The following DNAJC15 variants were observed in gnomAD, a reference collection of about 807,000 sequenced individuals.
DNAJC15 encodes the protein DnaJ heat shock protein family (Hsp40) member C15.
In DNAJC15, 27 loss-of-function variants were observed where a neutral mutation model predicts 22.4. The observed-to-expected ratio is 1.20, with a 90% confidence interval of 0.89 to 1.66. The LOEUF (loss-of-function observed/expected upper bound fraction) is 1.66, where lower values mean the gene tolerates loss of function less well. DNAJC15 is among the 40% of genes most tolerant of loss of function. The pLI is 0.00. For missense variants in DNAJC15, 208 were observed against 187.1 expected, an observed-to-expected ratio of 1.11 and a Z score of -0.65; for synonymous variants, 79 against 63.2, an observed-to-expected ratio of 1.25 and a Z score of -1.19.
chr13:43,093,396 T>C (rs1190204117), intron 5 of DNAJC15, among the ~76,000 whole-genome samples: 1 of 152,180 alleles, frequency 6.6e-6, no homozygotes. Flanking sequence ...AAAAATTGTT[T>C]TCTTTTTATT....
intron 1 of DNAJC15, among the ~76,000 whole-genome samples, chr13:43,055,200 C>CT (rs971810475): frequency 5.9e-5 from 9 of 151,722 alleles, no homozygotes; most frequent in Admixed American, 4.6e-4. Flanking sequence ...GCATCACAGA[C>CT]TAAGTCTGCC....
chr13:43,066,861 C>T (rs1335847655), intron 2 of DNAJC15, among the ~76,000 whole-genome samples: 1 of 152,142 alleles, frequency 6.6e-6, no homozygotes, highest in Non-Finnish European at 1.5e-5. Context: ...CCTCGTGATC[C>T]ACCCACCTCG....
At chr13:43,052,090 G>A (rs9533363) in intron 1 of DNAJC15, among the ~76,000 whole-genome samples, 31,669 of 151,042 alleles carry the variant, frequency 0.21, 4,251 homozygotes, top group Non-Finnish European at 0.3. Context: ...TCAGCCTGCC[G>A]AGTAGCTGGG....
In DNAJC15 at chr13:43,046,158, AT is replaced by A. The variant is rs1242229911; in HGVS notation, c.109-19515del. ...TCCACATAACCTGTGGATTATCTTC[AT>A]TTTTTTTTTTTTGTAAGGAAATTTA... On this transcript the variant is annotated intron_variant, in intron 1 of 5. Transcript: ENST00000379221. Among the ~76,000 whole-genome samples the A allele has an allele frequency of 5.0e-3, 705 of 141,100 alleles. 2 individuals carry two copies. Among genetic ancestry groups the A allele is most frequent in the Middle Eastern group, 0.011 (3 of 280 alleles). 92.6% of individuals were successfully genotyped at this position (141,100 alleles called of 152,430 possible). A position where few individuals can be genotyped will look rare whatever the true frequency, so the allele number is the denominator to read the frequency against.
chr13:43,048,325 C>CAAAAAAAA (rs766125510), intron 1 of DNAJC15, among the ~76,000 whole-genome samples: 1 of 130,362 alleles, frequency 7.7e-6, no homozygotes, highest in Non-Finnish European at 1.7e-5. Context: ...ACTAAAAATA[C>CAAAAAAAA]AAAAAAAAAA....
intron 1 of DNAJC15, among the ~76,000 whole-genome samples, chr13:43,034,967 AATCCATTTTTATCCTCCCACCCTC>A (rs373914736): frequency 6.6e-5 from 10 of 152,124 alleles, no homozygotes; most frequent in Admixed American, 1.3e-4. Flanking sequence ...TTCAGATCCT[AATCCATTTTTATCCTCCCACCCTC>A]ATCCATTTTT....
chr13:43,040,463 A>G (rs1405851928), intron 1 of DNAJC15, among the ~76,000 whole-genome samples: 1 of 152,160 alleles, frequency 6.6e-6, no homozygotes, highest in Admixed American at 6.5e-5. Flanking sequence ...ATGGAAGTTG[A>G]CTTTACATTT....
chr13:43,105,013 T>G (rs1432903792), intron 5 of DNAJC15, among the ~76,000 whole-genome samples: 1 of 151,550 alleles, frequency 6.6e-6, no homozygotes, highest in Non-Finnish European at 1.5e-5. Context: ...TTCATTAAAT[T>G]TAGGGTATGC....
intron 1 of DNAJC15, among the ~76,000 whole-genome samples, chr13:43,051,014 G>A (rs1198266605): frequency 6.6e-6 from 1 of 151,944 alleles, no homozygotes; most frequent in African/African-American, 2.4e-5. Flanking sequence ...CACTGTTGCC[G>A]CCCAGGCTGG....
chr13:43,104,660 AT>A (rs60760673), intron 5 of DNAJC15, among the ~76,000 whole-genome samples: 2,517 of 148,128 alleles, frequency 0.017, 81 homozygotes, highest in East Asian at 0.1. Context: ...GAAGAGTGTT[AT>A]TTTTTTTGTT....
chr13:43,030,526 T>C (rs1184876481), intron 1 of DNAJC15, among the ~76,000 whole-genome samples: 1 of 152,216 alleles, frequency 6.6e-6, no homozygotes, highest in Non-Finnish European at 1.5e-5. Context: ...TTGGAGCAAA[T>C]TTAAATGCCC....
intron 1 of DNAJC15, among the ~76,000 whole-genome samples, chr13:43,026,970 A>G (rs973599518): frequency 1.3e-5 from 2 of 152,358 alleles, no homozygotes; most frequent in Admixed American, 1.3e-4. Context: ...ACTAATGTTC[A>G]TTAGCCTGCT....
chr13:43,051,677 T>G (rs959403942), intron 1 of DNAJC15, among the ~76,000 whole-genome samples: 47 of 150,402 alleles, frequency 3.1e-4, no homozygotes, highest in African/African-American at 1.2e-3. Flanking sequence ...ATATCACATT[T>G]TCTTTATCCG....
intron 5 of DNAJC15, among the ~76,000 whole-genome samples, chr13:43,102,477 G>T (rs2040774613): frequency 1.3e-5 from 2 of 152,056 alleles, no homozygotes; most frequent in African/African-American, 4.8e-5. Context: ...TTATTGACAT[G>T]ATTATGTATT....
intron 5 of DNAJC15, among the ~76,000 whole-genome samples, chr13:43,087,996 C>T (rs1237941845): frequency 6.6e-6 from 1 of 152,054 alleles, no homozygotes; most frequent in Non-Finnish European, 1.5e-5. Context: ...TACTGCTTTT[C>T]TTAAATTGAT....
At chr13:43,039,894 C>T (rs536315646) in intron 1 of DNAJC15, among the ~76,000 whole-genome samples, 1 of 152,202 alleles carries the variant, frequency 6.6e-6, no homozygotes, top group African/African-American at 2.4e-5. Context: ...TGGCGTGTAC[C>T]TGTAGTCCCA....
intron 5 of DNAJC15, among the ~76,000 whole-genome samples, chr13:43,092,326 TC>T (rs2040719053): frequency 1.3e-5 from 2 of 152,186 alleles, no homozygotes; most frequent in South Asian, 4.1e-4. Flanking sequence ...ACATGGTATA[TC>T]TTTTTTCCAT....
intron 5 of DNAJC15, among the ~76,000 whole-genome samples, chr13:43,086,914 G>A (rs1593327442): frequency 6.6e-6 from 1 of 152,160 alleles, no homozygotes; most frequent in South Asian, 2.1e-4. Flanking sequence ...CACCCTGTGT[G>A]GGGTAGCTGG....
intron 4 of DNAJC15, among the ~76,000 whole-genome samples, chr13:43,084,994 G>A (rs1593326702): frequency 6.6e-6 from 1 of 152,178 alleles, no homozygotes; most frequent in South Asian, 2.1e-4. Flanking sequence ...CTGTTTTACA[G>A]TGAGGAAACT....
Sources: allele counts gnomAD v4.1 joint callset (sites outside exome capture counted in the v4.1 genomes callset), GRCh38; gene constraint gnomAD v4.1.1; transcripts MANE v1.5; gene names NCBI Gene and HGNC (gene_info 2026-07-23, HGNC 2026-07-21).